Variants in RAB2A observed in about 807,000 individuals in gnomAD.
RAB2A encodes RAB2A, member RAS oncogene family.
Under a neutral mutation model 32.5 loss-of-function variants are expected in RAB2A, and 7 were observed. That is an observed-to-expected ratio of 0.22 (90% CI 0.12 to 0.40). The LOEUF is 0.40. Among genes scored for constraint, RAB2A ranks in the 10% least tolerant of loss-of-function variants. The probability of loss-of-function intolerance (pLI) is 1.00; values close to 1 mark genes in which losing one functional copy is unlikely to be tolerated. For synonymous variants in RAB2A, 79 were observed against 85.2 expected (o/e 0.93, Z 0.40); for missense variants, 108 against 260.7 (o/e 0.41, Z 4.03).
intron 3 of RAB2A, among the ~76,000 whole-genome samples, chr8:60,573,569 C>T (rs143447339): frequency 0.013 from 2,011 of 152,230 alleles, 28 homozygotes; most frequent in Non-Finnish European, 0.021. Flanking sequence ...CCTCTTCTTC[C>T]TCAGTGAAGA....
chr8:60,567,342 C>G (rs183044206), intron 2 of RAB2A, among the ~76,000 whole-genome samples: 161 of 152,254 alleles, frequency 1.1e-3, no homozygotes, highest in African/African-American at 3.8e-3. Flanking sequence ...TCTCGATCTC[C>G]TGACCTTGTG....
At chr8:60,551,420 CA>C (rs1807845547) in intron 1 of RAB2A, among the ~76,000 whole-genome samples, 1 of 152,160 alleles carries the variant, frequency 6.6e-6, no homozygotes, top group Non-Finnish European at 1.5e-5. Flanking sequence ...ATGGTAGCAA[CA>C]AACATTTGTT....
intron 3 of RAB2A, among the ~76,000 whole-genome samples, chr8:60,575,017 A>C (rs1316445352): frequency 3.3e-5 from 5 of 151,484 alleles, no homozygotes; most frequent in Non-Finnish European, 7.4e-5. Context: ...AAAATAGTTT[A>C]ACTTATTTCT....
intron 1 of RAB2A, 94 bp from the exon 2 acceptor site, chr8:60,558,758 C>G: frequency 9.6e-7 from 1 of 1,036,626 alleles, no homozygotes; most frequent in South Asian, 1.3e-5. Context: ...CACAGTGCAC[C>G]AGAAACCCTG....
At chr8:60,586,651 T>G (rs924025370) in intron 5 of RAB2A, among the ~76,000 whole-genome samples, 16 of 152,250 alleles carry the variant, frequency 1.1e-4, no homozygotes, top group African/African-American at 3.6e-4. Context: ...GTACAATGGC[T>G]CACATCTGTA....
chr8:60,523,163 CT>C (rs71557794), intron 1 of RAB2A, among the ~76,000 whole-genome samples: 68,464 of 145,642 alleles, frequency 0.47, 16,716 homozygotes, highest in African/African-American at 0.63. Flanking sequence ...CATTCTTTTT[CT>C]TTTTTTTTTT....
At position 60,520,881 on chromosome 8, in the gene RAB2A, C is replaced by T. The variant is rs78879287; in HGVS notation, c.46+3628C>T. Reference sequence around the variant, plus strand: ...AGGCAGGAGTGCAGTGGCACTATCACGGCTCACTCACTACAGCTTCAGTCT... The same window carrying T: ...AGGCAGGAGTGCAGTGGCACTATCATGGCTCACTCACTACAGCTTCAGTCT... On this transcript the variant is annotated intron_variant, in intron 1 of 7. Coordinates refer to ENST00000262646, the MANE Select transcript of RAB2A (RefSeq NM_002865.3). Among the ~76,000 whole-genome samples the T allele has an allele frequency of 2.1e-3, 320 of 152,300 alleles. 8 individuals are homozygous for T. The East Asian group carries it at 0.041, about 20-fold the overall frequency.
chr8:60,570,154 C>A (rs1808176425), intron 2 of RAB2A: 3 of 403,712 alleles, frequency 7.4e-6, no homozygotes, highest in Non-Finnish European at 1.5e-5. Flanking sequence ...TACCTGCTCA[C>A]CCTTGGTATC....
chr8:60,541,670 C>T (rs185543265), intron 1 of RAB2A, among the ~76,000 whole-genome samples: 6 of 152,288 alleles, frequency 3.9e-5, no homozygotes, highest in East Asian at 1.9e-4. Context: ...GACTGGGCGA[C>T]GAGCACAACT....
chr8:60,567,561 G>A (rs1196058537), intron 2 of RAB2A, among the ~76,000 whole-genome samples: 1 of 151,926 alleles, frequency 6.6e-6, no homozygotes, highest in Non-Finnish European at 1.5e-5. Flanking sequence ...TTTGAAAATA[G>A]TTTTATTCAA....
chr8:60,586,143 T>C (rs1252550670), intron 5 of RAB2A, among the ~76,000 whole-genome samples: 1 of 152,024 alleles, frequency 6.6e-6, no homozygotes, highest in African/African-American at 2.4e-5. Context: ...CTACAACAAA[T>C]TTTAAAATTT....
At chr8:60,551,857 T>C (rs1179571360) in intron 1 of RAB2A, 1 of 36,972 alleles carries the variant, frequency 2.7e-5, no homozygotes, top group African/African-American at 7.0e-4. Flanking sequence ...CATGCCTTGA[T>C]TTTTTTTTTT....
At chr8:60,594,641 A>G (rs796236641) in intron 6 of RAB2A, among the ~76,000 whole-genome samples, 24 of 151,818 alleles carry the variant, frequency 1.6e-4, no homozygotes, top group African/African-American at 5.6e-4. Context: ...CAGCCCTTCA[A>G]CCCCCAACAG....
chr8:60,516,926 C>A (rs879420554), upstream of RAB2A: 2 of 308,036 alleles, frequency 6.5e-6, no homozygotes, highest in Non-Finnish European at 1.2e-5. Context: ...CCGGCGGCGC[C>A]GGCGGCCGCA....
At chr8:60,555,993 G>A (rs936324636) in intron 1 of RAB2A, among the ~76,000 whole-genome samples, 4 of 152,194 alleles carry the variant, frequency 2.6e-5, no homozygotes, top group African/African-American at 9.6e-5. Flanking sequence ...TAATGAAAAT[G>A]TGGTAAATAT....
chr8:60,580,900 G>A (rs76943941), intron 3 of RAB2A, among the ~76,000 whole-genome samples: 1,742 of 152,302 alleles, frequency 0.011, 39 homozygotes, highest in African/African-American at 0.039. Flanking sequence ...CCCACAGAAT[G>A]TCCCTGGAGA....
Position 60,620,797 on chromosome 8 carries a change from C to T in RAB2A, c.*28C>T, listed in dbSNP as rs201836844. 62 of 1,589,600 alleles carry T rather than the reference C, an allele frequency of 3.9e-5. No homozygotes were observed. In the African/African-American group the frequency reaches 6.9e-4, roughly 18 times the overall value. ...CTGTTTTTACTGTCTAGCTGCCCAA[C>T]GGGGCCTACTCACTTATTCTTTCAC... On this transcript the variant is annotated 3_prime_UTR_variant, in exon 8 of 8. Transcript: ENST00000262646.
At chr8:60,553,330 C>T (rs769047914) in intron 1 of RAB2A, among the ~76,000 whole-genome samples, 1 of 152,138 alleles carries the variant, frequency 6.6e-6, no homozygotes, top group African/African-American at 2.4e-5. Context: ...TCTAGGAAGC[C>T]CCTGTCGCAC....
intron 1 of RAB2A, among the ~76,000 whole-genome samples, chr8:60,554,656 C>A (rs1370224123): frequency 6.6e-6 from 1 of 152,072 alleles, no homozygotes; most frequent in Non-Finnish European, 1.5e-5. Flanking sequence ...AGGTTGAGGA[C>A]CAGCCTGGCA....
Sources: gnomAD v4.1 joint callset for allele counts (sites outside exome capture counted in the v4.1 genomes callset) on GRCh38, gnomAD v4.1.1 for gene constraint, MANE v1.5 for transcripts, NCBI Gene and HGNC (gene_info 2026-07-23, HGNC 2026-07-21) for gene names.